The following MYCBP2 variants were observed in gnomAD, a reference collection of about 807,000 sequenced individuals.
MYCBP2 encodes the protein MYC binding protein 2, also known as E3 ubiquitin-protein ligase MYCBP2.
A neutral mutation model predicts 525.3 loss-of-function variants in MYCBP2; 120 were observed. That is an observed-to-expected ratio of 0.23 (90% CI 0.20 to 0.27). The LOEUF is 0.27. MYCBP2 is among the 10% of genes least tolerant of loss of function. The pLI, the probability that MYCBP2 is intolerant of heterozygous loss-of-function variation, is 1.00. For missense variants in MYCBP2, 4,149 were observed against 5,657.1 expected (o/e 0.73, Z 8.55); for synonymous variants, 1,894 against 1,955.8 (o/e 0.97, Z 0.83).
At chr13:77,275,894 G>A (rs934501059) in intron 4 of MYCBP2, among the ~76,000 whole-genome samples, 3 of 152,182 alleles carry the variant, frequency 2.0e-5, no homozygotes, top group Non-Finnish European at 4.4e-5. Flanking sequence ...TGAGGCAGGA[G>A]AATAGCTTGA....
rs17693337 is a variant in MYCBP2 at position 77,206,530 on chromosome 13, T to C, written c.3589+123A>G. On this transcript the variant is annotated intron_variant, in intron 24 of 82. Coordinates refer to ENST00000544440, the MANE Select transcript of MYCBP2 (RefSeq NM_015057.5). Reference sequence around the variant, plus strand: ...TTAGCCTCTTAGAGGATTTAACTTATTTTGTACATTATTATTATTTAACAA... The same window carrying C: ...TTAGCCTCTTAGAGGATTTAACTTACTTTGTACATTATTATTATTTAACAA... 0.17 allele frequency: 164,434 copies of C among 951,594 alleles called. 16,210 individuals are homozygous for C. Among genetic ancestry groups the C allele is most frequent in the Non-Finnish European group, 0.2 (137,534 of 690,114 alleles). The allele number at this position is 951,594 out of a possible 1,614,324, so 58.9% of individuals were successfully genotyped here.
Position 77,181,663 on chromosome 13 carries a change from T to C in MYCBP2, c.4941+38A>G, listed in dbSNP as rs758382554. On this transcript the variant is annotated intron_variant, in intron 33 of 82. Coordinates refer to ENST00000544440, the MANE Select transcript of MYCBP2 (RefSeq NM_015057.5). ...CAATAAATAAAACCATTTAGAGTTT[T>C]AGTGCCTCTGTATAAAAGATTTCAG... 6.5e-6 allele frequency: 10 copies of C among 1,546,248 alleles called. No homozygotes were observed. The African/African-American group carries it at 1.1e-4, about 17-fold the overall frequency.
intron 26 of MYCBP2, among the ~76,000 whole-genome samples, chr13:77,201,282 A>C (rs1399093928): frequency 1.3e-5 from 2 of 149,306 alleles, no homozygotes; most frequent in Non-Finnish European, 3.0e-5. Flanking sequence ...AACAAAGATC[A>C]AAAGAGACAA....
intron 1 of MYCBP2, among the ~76,000 whole-genome samples, chr13:77,323,048 C>T (rs2081881409): frequency 6.6e-6 from 1 of 152,180 alleles, no homozygotes; most frequent in South Asian, 2.1e-4. Flanking sequence ...AGACAAAAAA[C>T]AGTAACTAAT....
Position 77,177,847 on chromosome 13 carries a change from G to T in MYCBP2, c.5241C>A (p.Ile1747=), listed in dbSNP as rs754262030. The part of the protein sequence containing the change: ...WNTGNGSPDA[I]CFSVDKPGIV... ...TTCCAGGTTTGTCTACTGAAAAACA[G>T]ATTGCATCAGGGGACCCGTTCCCAG... Residue 1747 remains isoleucine (I), a synonymous_variant, in exon 35 of 83, where the codon ATC becomes ATA. Coordinates refer to ENST00000544440, the MANE Select transcript of MYCBP2 (RefSeq NM_015057.5). The T allele has an allele frequency of 1.9e-6, 3 of 1,613,892 alleles. No homozygotes were observed. The highest frequency in any genetic ancestry group is 2.5e-6 in the Non-Finnish European group (3 of 1,179,774).
At chr13:77,211,025 A>G in intron 23 of MYCBP2, 142 bp downstream of exon 23, 1 of 543,144 alleles carries the variant, frequency 1.8e-6, no homozygotes, top group Non-Finnish European at 2.8e-6. Context: ...GTCCCTGTGA[A>G]TCACTGAGAC....
At chr13:77,161,817 C>T (rs1416703163) in intron 44 of MYCBP2, 89 bp downstream of exon 44, 1 of 954,148 alleles carries the variant, frequency 1.0e-6, no homozygotes, top group African/African-American at 1.7e-5. Context: ...ATGAATGAAC[C>T]CAATGGTCAA....
chr13:77,277,418 G>C (rs1367163749), intron 4 of MYCBP2, among the ~76,000 whole-genome samples: 1 of 152,046 alleles, frequency 6.6e-6, no homozygotes, highest in East Asian at 1.9e-4. Flanking sequence ...TATGTGAGGG[G>C]GGTGGTTTTA....
intron 15 of MYCBP2, among the ~76,000 whole-genome samples, chr13:77,248,064 C>T (rs985403719): frequency 6.6e-6 from 1 of 150,678 alleles, no homozygotes; most frequent in African/African-American, 2.4e-5. Context: ...ATGGGTGCAG[C>T]ACACCAACAT....
At chr13:77,126,886 C>T (rs916773464) in intron 52 of MYCBP2, among the ~76,000 whole-genome samples, 11 of 151,688 alleles carry the variant, frequency 7.3e-5, no homozygotes, top group African/African-American at 2.7e-4. Flanking sequence ...ACTATGTGAA[C>T]CACAAGGGAA....
chr13:77,325,811 A>T lies in MYCBP2; in HGVS notation c.302+663T>A, dbSNP rs185458934. 1.7e-3 allele frequency among the ~76,000 whole-genome samples: 258 copies of T among 152,334 alleles called. 1 individual carries two copies. Among genetic ancestry groups the T allele is most frequent in the African/African-American group, 6.0e-3 (248 of 41,570 alleles). On this transcript the variant is annotated intron_variant, in intron 1 of 82. Coordinates refer to ENST00000544440, the MANE Select transcript of MYCBP2 (RefSeq NM_015057.5). ...AGAAGACCAAAAGGCCCGGTTATCAAAGTACAGCTCTAAAAATCTCTATCA... is the reference window on the plus strand; with the variant it reads ...AGAAGACCAAAAGGCCCGGTTATCATAGTACAGCTCTAAAAATCTCTATCA...
intron 52 of MYCBP2, among the ~76,000 whole-genome samples, chr13:77,130,076 C>T (rs1029252795): frequency 5.9e-5 from 9 of 151,654 alleles, no homozygotes; most frequent in Admixed American, 1.3e-4. Context: ...TATACATTTT[C>T]GTAGTTATCT....
Position 77,177,755 on chromosome 13 carries a change from A to G in MYCBP2, c.5333T>C (p.Val1778Ala), listed in dbSNP as rs776460675. Reference sequence around the variant, plus strand: ...TAAAAGGGTGATACTTACATCATCAACCAACACCTCTAATTCATATTCATG... The same window carrying G: ...TAAAAGGGTGATACTTACATCATCAGCCAACACCTCTAATTCATATTCATG... ...GIHEYELEVL[V>A]DDSEHAGDST... The change falls in exon 35 of 83, where the codon GTT becomes GCT. Residue 1778 changes from valine (V) to alanine (A), a missense_variant. Coordinates refer to ENST00000544440, the MANE Select transcript of MYCBP2 (RefSeq NM_015057.5). 4 of 1,611,518 alleles carry G rather than the reference A, an allele frequency of 2.5e-6. No homozygotes were observed. Among genetic ancestry groups the G allele is most frequent in the Non-Finnish European group, 3.4e-6 (4 of 1,177,746 alleles).
At chr13:77,324,140 TC>T (rs1242903839) in intron 1 of MYCBP2, among the ~76,000 whole-genome samples, 1 of 152,192 alleles carries the variant, frequency 6.6e-6, no homozygotes, top group Non-Finnish European at 1.5e-5. Flanking sequence ...TCTGACCACT[TC>T]CTCAAAAGTT....
intron 59 of MYCBP2, among the ~76,000 whole-genome samples, chr13:77,092,184 G>T (rs1360702164): frequency 6.6e-6 from 1 of 151,772 alleles, no homozygotes; most frequent in Non-Finnish European, 1.5e-5. Context: ...TAACACAGTG[G>T]CATGCTCTTT....
intron 52 of MYCBP2, chr13:77,129,318 T>G (rs952636939): frequency 3.8e-5 from 15 of 392,624 alleles, no homozygotes; most frequent in Non-Finnish European, 6.3e-5. Context: ...AGTAACAACA[T>G]TTTTCTGTAC....
intron 78 of MYCBP2, among the ~76,000 whole-genome samples, chr13:77,057,500 A>G (rs2038349534): frequency 6.6e-6 from 1 of 152,212 alleles, no homozygotes; most frequent in Non-Finnish European, 1.5e-5. Flanking sequence ...AGTTAAAAAA[A>G]CCTATTTAGT....
At chr13:77,059,808 A>C (rs1275735201) in intron 76 of MYCBP2, among the ~76,000 whole-genome samples, 182 bp from the exon 77 acceptor site, 2 of 152,206 alleles carry the variant, frequency 1.3e-5, no homozygotes, top group Non-Finnish European at 2.9e-5. Context: ...ATGACACACA[A>C]AAAAAGAAAT....
rs929750813 is a variant in MYCBP2, at chr13:77,180,390, T to C, written c.4942-72A>G. 5 of 1,313,864 alleles carry C rather than the reference T, an allele frequency of 3.8e-6. No homozygotes were observed. In the Admixed American group the frequency reaches 1.0e-4, roughly 26 times the overall value. The allele number at this position is 1,313,864 out of a possible 1,614,324, so 81.4% of individuals were successfully genotyped here. ...CATAGGAGTACTCAATTTGAAAACC[T>C]TGTCTTTCTGATACTCTTAAAATTC... On this transcript the variant is annotated intron_variant, in intron 33 of 82. Coordinates refer to ENST00000544440, the MANE Select transcript of MYCBP2 (RefSeq NM_015057.5).
Sources: allele counts gnomAD v4.1 joint callset (sites outside exome capture counted in the v4.1 genomes callset), GRCh38; gene constraint gnomAD v4.1.1; transcripts MANE v1.5; gene names NCBI Gene and HGNC (gene_info 2026-07-23, HGNC 2026-07-21).